ENOX1: variants seen among roughly 807,000 people sequenced by gnomAD.
ENOX1 encodes ecto-NOX disulfide-thiol exchanger 1.
Under a neutral mutation model 82.5 loss-of-function variants are expected in ENOX1, and 42 were observed. The ratio of observed to expected loss-of-function variants is 0.51; its 90% CI spans 0.40 to 0.66. ENOX1 has a LOEUF of 0.66. Ranked by LOEUF, ENOX1 falls within the 30% of genes least tolerant of loss-of-function variation. The probability of loss-of-function intolerance (pLI) is 0.00; values close to 1 mark genes in which losing one functional copy is unlikely to be tolerated. For missense variants in ENOX1, 608 were observed against 811.6 expected (o/e 0.75, Z 3.05); for synonymous variants, 271 against 282.2 (o/e 0.96, Z 0.40).
chr13:43,219,682 G>A (rs2041682365), intron 16 of ENOX1, among the ~76,000 whole-genome samples: 1 of 152,190 alleles, frequency 6.6e-6, no homozygotes, highest in South Asian at 2.1e-4. Flanking sequence ...TATAAAATCT[G>A]CTTGATTTAT....
chr13:43,369,864 G>T (rs1241478632), intron 5 of ENOX1, among the ~76,000 whole-genome samples: 1 of 152,234 alleles, frequency 6.6e-6, no homozygotes, highest in Non-Finnish European at 1.5e-5. Context: ...ACCATTAGCT[G>T]CCTTCCTGGC....
At chr13:43,342,297 G>T (rs2049113577) in intron 9 of ENOX1, among the ~76,000 whole-genome samples, 1 of 152,142 alleles carries the variant, frequency 6.6e-6, no homozygotes, top group South Asian at 2.1e-4. Flanking sequence ...CCGAATCGGG[G>T]TATATTTTTG....
At chr13:43,219,352 G>A (rs2041664052) in intron 16 of ENOX1, among the ~76,000 whole-genome samples, 1 of 152,170 alleles carries the variant, frequency 6.6e-6, no homozygotes, top group Non-Finnish European at 1.5e-5. Context: ...AGAGATAGAT[G>A]CCATGACTAT....
intron 5 of ENOX1, among the ~76,000 whole-genome samples, chr13:43,384,790 A>G (rs1011322245): frequency 6.6e-6 from 1 of 152,220 alleles, no homozygotes; most frequent in Non-Finnish European, 1.5e-5. Flanking sequence ...GGATAGTCTT[A>G]AGTACTGCTG....
chr13:43,314,457 A>G (rs2047370269), intron 11 of ENOX1, among the ~76,000 whole-genome samples: 1 of 152,224 alleles, frequency 6.6e-6, no homozygotes, highest in Non-Finnish European at 1.5e-5. Flanking sequence ...TATCCCTAGC[A>G]TCTTCAAGTC....
intron 8 of ENOX1, among the ~76,000 whole-genome samples, chr13:43,353,746 G>GT (rs1243742134): frequency 2.0e-5 from 3 of 152,210 alleles, no homozygotes; most frequent in Admixed American, 1.3e-4. Flanking sequence ...TCATTCTACT[G>GT]TAACAGCCAT....
At chr13:43,676,415 A>G (rs1352608899) in intron 1 of ENOX1, among the ~76,000 whole-genome samples, 1 of 152,158 alleles carries the variant, frequency 6.6e-6, no homozygotes, top group Non-Finnish European at 1.5e-5. Flanking sequence ...TTTTAAAAAT[A>G]CACTTTCATT....
intron 1 of ENOX1, among the ~76,000 whole-genome samples, chr13:43,671,936 A>T (rs2085288770): frequency 6.6e-6 from 1 of 152,242 alleles, no homozygotes; most frequent in African/African-American, 2.4e-5. Flanking sequence ...TAATTTAAAA[A>T]ATATGTTTTA....
intron 15 of ENOX1, 87 bp from the exon 16 acceptor site, chr13:43,224,225 T>TATCCCCTACAAAGCGA: frequency 9.4e-7 from 1 of 1,060,204 alleles, no homozygotes; most frequent in Non-Finnish European, 1.4e-6. Flanking sequence ...CAGTGACTAT[T>TATCCCCTACAAAGCGA]TTGTCAGGCT....
intron 1 of ENOX1, among the ~76,000 whole-genome samples, chr13:43,762,907 C>G (rs974459004): frequency 1.3e-5 from 2 of 152,056 alleles, no homozygotes; most frequent in African/African-American, 4.8e-5. Flanking sequence ...TCAATTAGCC[C>G]TACTAATGGA....
chr13:43,659,488 TAA>T (rs58996950), intron 2 of ENOX1, among the ~76,000 whole-genome samples: 1 of 145,700 alleles, frequency 6.9e-6, no homozygotes, highest in Admixed American at 6.8e-5. Flanking sequence ...AAACCCTGTG[TAA>T]AAAAAAAAAA....
At chr13:43,352,147 T>C (rs960961561) in intron 8 of ENOX1, among the ~76,000 whole-genome samples, 2 of 152,186 alleles carry the variant, frequency 1.3e-5, no homozygotes, top group Non-Finnish European at 2.9e-5. Flanking sequence ...GGCTATTCTA[T>C]ATGCAAATAA....
chr13:43,560,071 G>A (rs780640757), intron 2 of ENOX1, among the ~76,000 whole-genome samples: 4 of 152,106 alleles, frequency 2.6e-5, no homozygotes, highest in African/African-American at 9.7e-5. Context: ...ATTTACACAC[G>A]TGTGTATTTG....
chr13:43,478,543 T>C (rs889533677), intron 3 of ENOX1, among the ~76,000 whole-genome samples: 2 of 152,094 alleles, frequency 1.3e-5, no homozygotes, highest in Non-Finnish European at 2.9e-5. Flanking sequence ...TAACACAACA[T>C]AATGAAAGTC....
intron 2 of ENOX1, among the ~76,000 whole-genome samples, chr13:43,503,934 A>C (rs1379332466): frequency 6.6e-6 from 1 of 151,744 alleles, no homozygotes; most frequent in Non-Finnish European, 1.5e-5. Context: ...ACCTTTGCAA[A>C]ATGGGGGAAA....
rs553391158 is a variant in ENOX1 at position 43,657,957 on chromosome 13, T to A, written c.-219+9522A>T. ...AAAAAGCTAAAACTATTAATGTTTT[T>A]AAAGATAACTTTAACTTTTATAGAA... On this transcript the variant is annotated intron_variant, in intron 2 of 16. Transcript: ENST00000690772. 1.1e-4 allele frequency among the ~76,000 whole-genome samples: 17 copies of A among 152,342 alleles called. No homozygotes were observed. In the South Asian group the frequency reaches 1.2e-3, roughly 11 times the overall value.
intron 2 of ENOX1, among the ~76,000 whole-genome samples, chr13:43,576,160 A>C (rs911037345): frequency 6.6e-6 from 1 of 152,216 alleles, no homozygotes; most frequent in African/African-American, 2.4e-5. Flanking sequence ...TAACCCCATC[A>C]CTTGCCTACT....
intron 5 of ENOX1, 67 bp downstream of exon 5, chr13:43,411,849 C>T: frequency 6.3e-7 from 1 of 1,587,722 alleles, no homozygotes; most frequent in South Asian, 1.1e-5. Flanking sequence ...AGAGAGATTA[C>T]CAGGCACCTG....
chr13:43,674,824 T>C (rs1186297085), intron 1 of ENOX1, among the ~76,000 whole-genome samples: 6 of 152,184 alleles, frequency 3.9e-5, no homozygotes, highest in African/African-American at 1.4e-4. Context: ...CAGCAAGCTA[T>C]GCATGTGGGT....
Sources: gnomAD v4.1 joint callset for allele counts (sites outside exome capture counted in the v4.1 genomes callset) on GRCh38, gnomAD v4.1.1 for gene constraint, MANE v1.5 for transcripts, NCBI Gene and HGNC (gene_info 2026-07-23, HGNC 2026-07-21) for gene names.